Variants in SNX29 observed in about 807,000 individuals in gnomAD.
SNX29 encodes the protein sorting nexin-29.
A neutral mutation model predicts 102.1 loss-of-function variants in SNX29; 78 were observed. The ratio of observed to expected loss-of-function variants is 0.76; its 90% CI spans 0.64 to 0.92. The LOEUF (loss-of-function observed/expected upper bound fraction) is 0.92, where lower values mean the gene tolerates loss of function less well. SNX29 is among the 40% of genes least tolerant of loss of function. The pLI, the probability that SNX29 is intolerant of heterozygous loss-of-function variation, is 0.00. For missense variants in SNX29, 1,280 were observed against 1,061.7 expected, an observed-to-expected ratio of 1.21 and a Z score of -2.86; for synonymous variants, 580 against 414.5, an observed-to-expected ratio of 1.40 and a Z score of -4.85.
intron 18 of SNX29, among the ~76,000 whole-genome samples, chr16:12,451,071 T>A (rs2086280207): frequency 6.6e-6 from 1 of 152,190 alleles, no homozygotes; most frequent in African/African-American, 2.4e-5. Context: ...GTACGTCTCC[T>A]GCCCCCAAAG....
intron 13 of SNX29, among the ~76,000 whole-genome samples, chr16:12,163,139 C>T (rs899954474): frequency 2.6e-5 from 4 of 152,174 alleles, no homozygotes; most frequent in African/African-American, 9.7e-5. Flanking sequence ...ACCTTGGCCT[C>T]CCAAAGTCCT....
At chr16:12,435,374 T>C (rs937483506) in intron 18 of SNX29, among the ~76,000 whole-genome samples, 22 of 152,282 alleles carry the variant, frequency 1.4e-4, no homozygotes, top group African/African-American at 4.6e-4. Flanking sequence ...TTTATTAAAC[T>C]GATGACCAGC....
At chr16:12,429,467 C>A (rs895112332) in intron 18 of SNX29, among the ~76,000 whole-genome samples, 3 of 152,180 alleles carry the variant, frequency 2.0e-5, no homozygotes, top group Non-Finnish European at 4.4e-5. Context: ...GTCACCCAGA[C>A]TGGAGTGCAA....
chr16:12,438,830 A>T (rs1182538474), intron 18 of SNX29, among the ~76,000 whole-genome samples: 2 of 152,206 alleles, frequency 1.3e-5, no homozygotes, highest in Non-Finnish European at 2.9e-5. Context: ...TTCTAGACTC[A>T]GGGAAGGTTC....
chr16:12,439,615 T>C (rs1476257617), intron 18 of SNX29, among the ~76,000 whole-genome samples: 1 of 152,138 alleles, frequency 6.6e-6, no homozygotes, highest in Non-Finnish European at 1.5e-5. Flanking sequence ...GAGAACAGTA[T>C]AGGGGAAATT....
chr16:12,313,895 C>T (rs1215783756), intron 15 of SNX29, among the ~76,000 whole-genome samples: 1 of 152,258 alleles, frequency 6.6e-6, no homozygotes, highest in Non-Finnish European at 1.5e-5. Flanking sequence ...GAGACTGAGG[C>T]TCAAAAACAA....
intron 4 of SNX29, among the ~76,000 whole-genome samples, chr16:12,037,101 C>G (rs1193652848): frequency 6.6e-6 from 1 of 151,906 alleles, no homozygotes; most frequent in Non-Finnish European, 1.5e-5. Context: ...ATGAGAGATC[C>G]TACTTCTAGA....
chr16:12,171,914 C>T (rs12920500), intron 13 of SNX29, among the ~76,000 whole-genome samples: 1 of 152,178 alleles, frequency 6.6e-6, no homozygotes, highest in African/African-American at 2.4e-5. Context: ...CCTGACCTCT[C>T]TGGGCCCCAG....
At chr16:12,337,123 A>G (rs1374558324) in intron 15 of SNX29, among the ~76,000 whole-genome samples, 1 of 152,218 alleles carries the variant, frequency 6.6e-6, no homozygotes, top group Non-Finnish European at 1.5e-5. Context: ...CTGAGTTTGC[A>G]TAAAGCATGT....
At chr16:12,264,571 C>T (rs2078871313) in intron 14 of SNX29, among the ~76,000 whole-genome samples, 1 of 152,178 alleles carries the variant, frequency 6.6e-6, no homozygotes, top group South Asian at 2.1e-4. Flanking sequence ...TGCCTGCAGT[C>T]AGGAGCTTGA....
chr16:12,356,375 C>T (rs2082137505), intron 16 of SNX29, 96 bp downstream of exon 16: 3 of 1,137,852 alleles, frequency 2.6e-6, no homozygotes, highest in Non-Finnish European at 3.8e-6. Context: ...AACCATGCAT[C>T]CACTGGCCAG....
At chr16:12,455,198 C>T (rs1375634712) in intron 18 of SNX29, among the ~76,000 whole-genome samples, 2 of 152,192 alleles carry the variant, frequency 1.3e-5, no homozygotes, top group Non-Finnish European at 2.9e-5. Context: ...CTCCAAGACG[C>T]CCTTCTCCTT....
intron 14 of SNX29, among the ~76,000 whole-genome samples, chr16:12,217,794 G>A (rs75228778): frequency 0.019 from 2,897 of 152,280 alleles, 31 homozygotes; most frequent in Non-Finnish European, 0.03. Flanking sequence ...CTAAATCTTG[G>A]CTTCATGCTC....
chr16:12,221,657 G>A (rs963349536), intron 14 of SNX29, among the ~76,000 whole-genome samples: 1 of 152,162 alleles, frequency 6.6e-6, no homozygotes, highest in Admixed American at 6.5e-5. Flanking sequence ...GCTATTCATG[G>A]CTTATAGTGA....
chr16:12,081,563 T>C (rs1249789724), intron 11 of SNX29: 2 of 151,190 alleles, frequency 1.3e-5, no homozygotes, highest in African/African-American at 2.4e-5. Context: ...TCCCAGCTAC[T>C]CGGGAGGCTG....
At chr16:12,130,802 G>A (rs1222445701) in intron 13 of SNX29, among the ~76,000 whole-genome samples, 2 of 151,948 alleles carry the variant, frequency 1.3e-5, no homozygotes, top group Admixed American at 6.6e-5. Context: ...ACATCTCAGA[G>A]ATTGCTCTCG....
At chr16:12,373,062 G>A (rs2082740785) in intron 16 of SNX29, 1 of 152,228 alleles carries the variant, frequency 6.6e-6, no homozygotes, top group African/African-American at 2.4e-5. Context: ...ATGTCCCCAT[G>A]ATTAGTAGGA....
chr16:12,474,476 G>A (rs778794374), intron 18 of SNX29, among the ~76,000 whole-genome samples: 11 of 152,174 alleles, frequency 7.2e-5, no homozygotes, highest in Non-Finnish European at 1.3e-4. Flanking sequence ...GAGGCAGGGC[G>A]TGGGCAGGAG....
At chr16:12,218,092 G>T (rs1161466378) in intron 14 of SNX29, among the ~76,000 whole-genome samples, 5 of 152,168 alleles carry the variant, frequency 3.3e-5, no homozygotes, top group Non-Finnish European at 5.9e-5. Flanking sequence ...TATTTGCAAT[G>T]ATAAAAAAAT....
Sources: allele counts gnomAD v4.1 joint callset (sites outside exome capture counted in the v4.1 genomes callset), GRCh38; gene constraint gnomAD v4.1.1; transcripts MANE v1.5; gene names NCBI Gene and HGNC (gene_info 2026-07-23, HGNC 2026-07-21).